FAM117A: variants seen among roughly 807,000 people sequenced by gnomAD.
FAM117A encodes the protein family with sequence similarity 117 member A.
FAM117A carries 21 observed loss-of-function variants against 44.1 expected under a neutral mutation model. The observed-to-expected ratio is 0.48, with a 90% CI of 0.34 to 0.69. FAM117A has a LOEUF of 0.69. Among genes scored for constraint, FAM117A ranks in the 30% least tolerant of loss-of-function variants. The pLI, the probability that FAM117A is intolerant of heterozygous loss-of-function variation, is 0.01. For missense variants in FAM117A, 498 were observed against 589.9 expected (o/e 0.84, Z 1.61); for synonymous variants, 220 against 238.3 (o/e 0.92, Z 0.71).
chr17:49,712,992 C>T (rs1453520001), intron 7 of FAM117A, among the ~76,000 whole-genome samples: 1 of 152,170 alleles, frequency 6.6e-6, no homozygotes, highest in Non-Finnish European at 1.5e-5. Context: ...TCCTCCTGCT[C>T]AGCTTCCCAA....
upstream of FAM117A, chr17:49,764,133 G>GC (rs762326118): frequency 2.3e-5 from 23 of 1,002,790 alleles, 1 homozygote; most frequent in Middle Eastern, 3.8e-4. Context: ...GACTCACACA[G>GC]CCCCCCAACC....
intron 7 of FAM117A, among the ~76,000 whole-genome samples, chr17:49,715,338 C>T (rs1015814399): frequency 2.0e-5 from 3 of 152,200 alleles, no homozygotes; most frequent in Non-Finnish European, 4.4e-5. Flanking sequence ...ATGGTGCTCT[C>T]AATGACCCAA....
At chr17:49,768,649 C>T (rs937896258), upstream of FAM117A, among the ~76,000 whole-genome samples, 2 of 152,136 alleles carry the variant, frequency 1.3e-5, no homozygotes, top group African/African-American at 4.8e-5. Flanking sequence ...GGGGTCAGAA[C>T]TGAAGGAGCA....
intron 1 of FAM117A, among the ~76,000 whole-genome samples, chr17:49,739,918 G>A (rs753510257): frequency 1.3e-5 from 2 of 152,244 alleles, no homozygotes; most frequent in Non-Finnish European, 2.9e-5. Context: ...CCTGGCACCA[G>A]GCCAGGCCAT....
chr17:49,776,145 C>T lies in FAM117A; in HGVS notation c.-621+12352G>A, dbSNP rs900114930. On this transcript the variant is annotated intron_variant, in intron 1 of 7. Coordinates refer to the FAM117A transcript ENST00000513602. ...CCTGCTTCACAGCACAGAAGAATGG[C>T]GCTTCTACTTGCTGGGCGCTGACTA... 1.1e-4 allele frequency among the ~76,000 whole-genome samples: 16 copies of T among 152,196 alleles called. 1 individual carries two copies. Among genetic ancestry groups the T allele is most frequent in the African/African-American group, 2.7e-4 (11 of 41,444 alleles).
chr17:49,722,125 T>G (rs2073537687), intron 3 of FAM117A, among the ~76,000 whole-genome samples: 1 of 151,958 alleles, frequency 6.6e-6, no homozygotes, highest in South Asian at 2.1e-4. Context: ...AAAAACTAGA[T>G]GAGTAGTTAA....
chr17:49,744,254 C>G (rs1417420061), intron 1 of FAM117A, among the ~76,000 whole-genome samples: 1 of 152,134 alleles, frequency 6.6e-6, no homozygotes, highest in Non-Finnish European at 1.5e-5. Context: ...GACCTATGCA[C>G]ATCCTCCCGA....
At chr17:49,732,997 C>CTTTTT in intron 1 of FAM117A, 2 of 394,092 alleles carry the variant, frequency 5.1e-6, no homozygotes, top group Admixed American at 3.6e-5. Flanking sequence ...TTTCCTGCTC[C>CTTTTT]TAATGGACTA....
At chr17:49,782,574 C>G (rs2073792909) in intron 1 of FAM117A, among the ~76,000 whole-genome samples, 1 of 150,686 alleles carries the variant, frequency 6.6e-6, no homozygotes, top group South Asian at 2.1e-4. Context: ...CCTGTAGTCC[C>G]AGCTACTTGG....
At chr17:49,788,732 G>A (rs1405314263), upstream of FAM117A, 16 of 1,318,668 alleles carry the variant, frequency 1.2e-5, no homozygotes, top group Admixed American at 2.2e-5. Context: ...TCGTCCGCAG[G>A]ATTGGGACTG....
At chr17:49,753,760 G>A (rs1451891623) in intron 1 of FAM117A, among the ~76,000 whole-genome samples, 1 of 152,084 alleles carries the variant, frequency 6.6e-6, no homozygotes, top group Non-Finnish European at 1.5e-5. Context: ...CTCCAGCCTG[G>A]GTAACAGAGT....
chr17:49,723,692 C>T (rs2073545930), intron 2 of FAM117A, among the ~76,000 whole-genome samples: 1 of 152,086 alleles, frequency 6.6e-6, no homozygotes, highest in African/African-American at 2.4e-5. Flanking sequence ...CTACTCGCCA[C>T]CCAACAGCTG....
At chr17:49,730,254 A>T (rs1171639803) in intron 2 of FAM117A, among the ~76,000 whole-genome samples, 1 of 152,212 alleles carries the variant, frequency 6.6e-6, no homozygotes, top group Non-Finnish European at 1.5e-5. Flanking sequence ...ATCCCAGGGA[A>T]AGAGGAAAGC....
At chr17:49,745,048 A>C (rs1002531926) in intron 1 of FAM117A, among the ~76,000 whole-genome samples, 7 of 151,104 alleles carry the variant, frequency 4.6e-5, no homozygotes, top group African/African-American at 7.3e-5. Flanking sequence ...CACACACACA[A>C]GAAAAAATAA....
intron 3 of FAM117A, 51 bp from the exon 4 acceptor site, chr17:49,720,487 G>A (rs758844840): frequency 4.2e-6 from 6 of 1,436,098 alleles, no homozygotes; most frequent in Non-Finnish European, 5.8e-6. Context: ...AAGCCAAAGT[G>A]CACTGGGTCC....
At chr17:49,751,759 A>G (rs181952878) in intron 1 of FAM117A, among the ~76,000 whole-genome samples, 22 of 148,982 alleles carry the variant, frequency 1.5e-4, no homozygotes, top group Non-Finnish European at 3.3e-4. Flanking sequence ...CTGGCCAATA[A>G]TGGTGAAACC....
upstream of FAM117A, among the ~76,000 whole-genome samples, chr17:49,765,174 GAAAA>G (rs756626428): frequency 2.0e-5 from 3 of 151,824 alleles, no homozygotes; most frequent in Non-Finnish European, 4.4e-5. Flanking sequence ...TGCTTCAAAA[GAAAA>G]AAAATATTAC....
At chr17:49,786,215 T>C (rs2073805407) in intron 1 of FAM117A, among the ~76,000 whole-genome samples, 2 of 152,210 alleles carry the variant, frequency 1.3e-5, no homozygotes, top group South Asian at 4.1e-4. Context: ...AAGAACCATA[T>C]CTAAATGAAA....
At chr17:49,775,281 CCCGGCACTGTAAATCTA>C (rs1318702180) in intron 1 of FAM117A, among the ~76,000 whole-genome samples, 2 of 152,240 alleles carry the variant, frequency 1.3e-5, no homozygotes, top group Non-Finnish European at 2.9e-5. Flanking sequence ...AGCCACTGCG[CCCGGCACTGTAAATCTA>C]CTTCTGACGG....
Sources: allele counts gnomAD v4.1 joint callset (sites outside exome capture counted in the v4.1 genomes callset), GRCh38; gene constraint gnomAD v4.1.1; transcripts MANE v1.5; gene names NCBI Gene and HGNC (gene_info 2026-07-23, HGNC 2026-07-21).